Variants in SLMAP observed in about 807,000 individuals in gnomAD.
The protein encoded by SLMAP is sarcolemma associated protein.
A neutral mutation model predicts 128.8 loss-of-function variants in SLMAP; 44 were observed. That is an observed-to-expected ratio of 0.34 (90% CI 0.27 to 0.44). The LOEUF (loss-of-function observed/expected upper bound fraction) is 0.44. Ranked by LOEUF, SLMAP falls within the 20% of genes least tolerant of loss-of-function variation. SLMAP has a pLI of 1.00. For synonymous variants in SLMAP, 327 were observed against 348.8 expected (o/e 0.94, Z 0.70); for missense variants, 787 against 985.3 (o/e 0.80, Z 2.69).
chr3:57,893,246 T>C (rs1224857511), intron 15 of SLMAP, among the ~76,000 whole-genome samples: 1 of 151,314 alleles, frequency 6.6e-6, no homozygotes, highest in Non-Finnish European at 1.5e-5. Flanking sequence ...CTGGGCAACA[T>C]AGGGAGACCC....
rs887077644 is a variant in SLMAP, at chr3:57,804,717, C to G, written c.199-26666C>G. Among the ~76,000 whole-genome samples, 4 of 152,108 alleles carry G rather than the reference C, an allele frequency of 2.6e-5. No homozygotes were observed. The East Asian group carries it at 7.7e-4, about 29-fold the overall frequency. Reference sequence around the variant, plus strand: ...CCATGATCATGTCACTACTTTCCAGCCTGGGCAACAGAGTGAAGCCCTGAA... The same window carrying G: ...CCATGATCATGTCACTACTTTCCAGGCTGGGCAACAGAGTGAAGCCCTGAA... On this transcript the variant is annotated intron_variant, in intron 2 of 24. Coordinates refer to ENST00000671191, the MANE Select transcript of SLMAP (RefSeq NM_001377540.1).
rs116294769 is a variant in SLMAP, at chr3:57,858,030, T to C, written c.616-58T>C. Reference sequence around the variant, plus strand: ...TGTTGTCAGTAGCAACCTTTTTTTATATACATGTGACTTTATAATTACTCG... The same window carrying C: ...TGTTGTCAGTAGCAACCTTTTTTTACATACATGTGACTTTATAATTACTCG... On this transcript the variant is annotated intron_variant, in intron 7 of 24. Coordinates refer to ENST00000671191, the MANE Select transcript of SLMAP (RefSeq NM_001377540.1). The C allele has an allele frequency of 3.0e-3, 3,388 of 1,143,884 alleles. 76 individuals are homozygous for C. In the African/African-American group the frequency reaches 0.047, roughly 16 times the overall value. 70.9% of individuals were successfully genotyped at this position (1,143,884 alleles called of 1,614,324 possible).
intron 15 of SLMAP, 37 bp from the exon 16 acceptor site, chr3:57,896,474 C>T: frequency 6.5e-7 from 1 of 1,548,040 alleles, no homozygotes; most frequent in Non-Finnish European, 8.7e-7. Context: ...AGATATTTAA[C>T]TGTAATAAGA....
At chr3:57,851,553 A>G (rs150290089) in intron 6 of SLMAP, among the ~76,000 whole-genome samples, 38 of 148,612 alleles carry the variant, frequency 2.6e-4, no homozygotes, top group Middle Eastern at 3.5e-3. Context: ...GCTCATTGCA[A>G]CCTCCACCTC....
intron 14 of SLMAP, among the ~76,000 whole-genome samples, chr3:57,872,862 A>T (rs147715118): frequency 3.2e-4 from 49 of 152,304 alleles, no homozygotes; most frequent in African/African-American, 1.1e-3. Context: ...TTTCTCAGGC[A>T]TTCTTCTCAT....
At chr3:57,867,498 C>G (rs2095338131) in intron 13 of SLMAP, among the ~76,000 whole-genome samples, 1 of 151,826 alleles carries the variant, frequency 6.6e-6, no homozygotes, top group Admixed American at 6.6e-5. Flanking sequence ...TTATTTTTTC[C>G]TTATTTGTGT....
chr3:57,860,011 A>C (rs915901812), intron 8 of SLMAP, among the ~76,000 whole-genome samples: 1 of 152,190 alleles, frequency 6.6e-6, no homozygotes, highest in African/African-American at 2.4e-5. Flanking sequence ...CACTCCACTT[A>C]GATTTAAACA....
At position 57,805,225 on chromosome 3, in the gene SLMAP, T is replaced by G. The variant is rs2089566482; in HGVS notation, c.199-26158T>G. 2.0e-5 allele frequency among the ~76,000 whole-genome samples: 3 copies of G among 152,218 alleles called. No homozygotes were observed. The South Asian group carries it at 6.2e-4, about 31-fold the overall frequency. The stretch of plus-strand genomic sequence containing the variant: ...TGTGTGTTCCTAAATGTTCAGTCAT[T>G]GTTTTCCCTGTTAGTGTTATTTTTG... On this transcript the variant is annotated intron_variant, in intron 2 of 24. Coordinates refer to ENST00000671191, the MANE Select transcript of SLMAP (RefSeq NM_001377540.1).
intron 14 of SLMAP, among the ~76,000 whole-genome samples, chr3:57,877,079 A>C (rs1017030468): frequency 4.0e-5 from 6 of 151,730 alleles, no homozygotes; most frequent in African/African-American, 4.8e-5. Context: ...ATGTATTCTT[A>C]ATCCGTGTTT....
chr3:57,880,646 G>T (rs756824388), intron 14 of SLMAP, among the ~76,000 whole-genome samples: 4 of 152,158 alleles, frequency 2.6e-5, no homozygotes, highest in Non-Finnish European at 5.9e-5. Flanking sequence ...AAGAGGCCAA[G>T]GTGGGAGGAT....
At chr3:57,780,120 C>CT (rs201844391) in intron 2 of SLMAP, among the ~76,000 whole-genome samples, 20 of 146,720 alleles carry the variant, frequency 1.4e-4, no homozygotes, top group Middle Eastern at 7.1e-3. Context: ...TTAATGTTCC[C>CT]TTTTTTTTTT....
chr3:57,918,403 C>T (rs2096854163), intron 22 of SLMAP: 1 of 152,230 alleles, frequency 6.6e-6, no homozygotes, highest in African/African-American at 2.4e-5. Context: ...ACTGTTTCCA[C>T]AAATGGCAGT....
chr3:57,913,491 C>G (rs141329092), intron 21 of SLMAP, among the ~76,000 whole-genome samples: 1 of 151,986 alleles, frequency 6.6e-6, no homozygotes, highest in Non-Finnish European at 1.5e-5. Flanking sequence ...TCCTTGTACT[C>G]ATGGAATACA....
chr3:57,806,312 G>A (rs2089847678), intron 2 of SLMAP, among the ~76,000 whole-genome samples: 4 of 151,992 alleles, frequency 2.6e-5, no homozygotes, highest in Admixed American at 2.6e-4. Flanking sequence ...GCGGTGTTTG[G>A]TTTTCTGTTT....
chr3:57,778,235 TTGTC>T (rs773908107), intron 2 of SLMAP, among the ~76,000 whole-genome samples: 6 of 152,174 alleles, frequency 3.9e-5, no homozygotes, highest in Non-Finnish European at 7.3e-5. Flanking sequence ...TTCAGGAAAT[TTGTC>T]TGTTTCATCT....
chr3:57,772,757 C>T (rs1355402869), intron 2 of SLMAP, among the ~76,000 whole-genome samples: 3 of 152,072 alleles, frequency 2.0e-5, no homozygotes, highest in African/African-American at 7.2e-5. Flanking sequence ...TCTCCTGCTT[C>T]AGCCTCCCGA....
chr3:57,853,530 A>G (rs2094580774), intron 6 of SLMAP, among the ~76,000 whole-genome samples: 1 of 152,178 alleles, frequency 6.6e-6, no homozygotes, highest in Non-Finnish European at 1.5e-5. Context: ...CAAAACCACA[A>G]CTAAGTGCTA....
intron 13 of SLMAP, among the ~76,000 whole-genome samples, chr3:57,869,639 TATATATATATATATATATATA>T (rs1314101222): frequency 3.2e-5 from 4 of 125,854 alleles, no homozygotes; most frequent in African/African-American, 1.3e-4. Flanking sequence ...ATTATATATA[TATATATATATATATATATATA>T]ATATATATAA....
chr3:57,785,372 A>G (rs1235443287), intron 2 of SLMAP, among the ~76,000 whole-genome samples: 1 of 152,182 alleles, frequency 6.6e-6, no homozygotes, highest in Non-Finnish European at 1.5e-5. Context: ...ATTTCCTGTC[A>G]TCTTAAATAG....
Sources: gnomAD v4.1 joint callset for allele counts (sites outside exome capture counted in the v4.1 genomes callset) on GRCh38, gnomAD v4.1.1 for gene constraint, MANE v1.5 for transcripts, NCBI Gene and HGNC (gene_info 2026-07-23, HGNC 2026-07-21) for gene names.